The following CNTN1 variants were observed in gnomAD, a reference collection of about 807,000 sequenced individuals.
CNTN1 encodes contactin 1, also known as contactin-1.
In CNTN1, 38 loss-of-function variants were observed where a neutral mutation model predicts 126.4. The observed-to-expected ratio is 0.30, with a 90% confidence interval of 0.23 to 0.39. The LOEUF (loss-of-function observed/expected upper bound fraction) is 0.39, where lower values mean the gene tolerates loss of function less well. CNTN1 is among the 10% of genes least tolerant of loss of function. The probability of loss-of-function intolerance (pLI) is 1.00; values close to 1 mark genes in which losing one functional copy is unlikely to be tolerated. For missense variants in CNTN1, 1,009 were observed against 1,248.4 expected (o/e 0.81, Z 2.89); for synonymous variants, 413 against 422.6 (o/e 0.98, Z 0.28).
At chr12:40,776,169 T>C (rs1343621546) in intron 1 of CNTN1, among the ~76,000 whole-genome samples, 1 of 151,614 alleles carries the variant, frequency 6.6e-6, no homozygotes, top group African/African-American at 2.4e-5. Flanking sequence ...CCACAAATTA[T>C]AGTTTCTGTG....
At chr12:40,980,453 A>C (rs1278840124) in intron 15 of CNTN1, among the ~76,000 whole-genome samples, 1 of 151,246 alleles carries the variant, frequency 6.6e-6, no homozygotes, top group Non-Finnish European at 1.5e-5. Flanking sequence ...TAACTCAAAA[A>C]AAAAAAAAAA....
chr12:40,699,146 C>T (rs56383533), intron 1 of CNTN1, among the ~76,000 whole-genome samples: 16,809 of 152,118 alleles, frequency 0.11, 1,012 homozygotes, highest in Non-Finnish European at 0.13. Flanking sequence ...TGTCTCTTGC[C>T]TCCACCGTAA....
chr12:40,805,287 C>T lies in CNTN1; in HGVS notation c.-76-103070C>T, dbSNP rs1009015107. Among the ~76,000 whole-genome samples, 9 of 152,008 alleles carry T rather than the reference C, an allele frequency of 5.9e-5. No individual in the cohort carries two copies. The South Asian group carries it at 8.3e-4, about 14-fold the overall frequency. On this transcript the variant is annotated intron_variant, in intron 1 of 23. Transcript: ENST00000551295. The stretch of plus-strand genomic sequence containing the variant: ...CCCTCTTTTCTTCTGGACTTTTGCA[C>T]GACTGATATTTACCATCTGATATTG...
chr12:40,889,086 A>G (rs1297094388), intron 1 of CNTN1, among the ~76,000 whole-genome samples: 1 of 152,210 alleles, frequency 6.6e-6, no homozygotes, highest in Non-Finnish European at 1.5e-5. Flanking sequence ...ATTCCTTCCC[A>G]GGTTATTCTC....
intron 1 of CNTN1, among the ~76,000 whole-genome samples, chr12:40,901,389 C>G (rs913904198): frequency 6.6e-6 from 1 of 152,130 alleles, no homozygotes; most frequent in South Asian, 2.1e-4. Flanking sequence ...TTGGGGTGCA[C>G]TTGTTAATTA....
intron 17 of CNTN1, among the ~76,000 whole-genome samples, chr12:41,008,760 C>T (rs759742586): frequency 5.9e-5 from 9 of 152,210 alleles, no homozygotes; most frequent in Non-Finnish European, 1.2e-4. Flanking sequence ...CTAAACATCT[C>T]TCTTTTAAAC....
chr12:40,870,347 C>A (rs953099140), intron 1 of CNTN1, among the ~76,000 whole-genome samples: 1 of 149,434 alleles, frequency 6.7e-6, no homozygotes, highest in African/African-American at 2.4e-5. Flanking sequence ...TAACAAAAGA[C>A]TTCTTTGTCA....
At chr12:40,992,834 A>G (rs1220765763) in intron 16 of CNTN1, among the ~76,000 whole-genome samples, 1 of 152,190 alleles carries the variant, frequency 6.6e-6, no homozygotes, top group Non-Finnish European at 1.5e-5. Context: ...CTCATGGACT[A>G]GCACCAAGCC....
Position 40,922,397 on chromosome 12 carries a change from C to T in CNTN1, c.369C>T (p.Val123=). Residue 123 remains valine, a synonymous_variant, in exon 5 of 24, where the codon GTC becomes GTT. Transcript: ENST00000551295. ...TAGCATCTAATAACTACGGGATGGT[C>T]AGAAGCACTGAAGCAACCCTGAGCT... is the stretch of plus-strand genomic sequence containing the variant. The part of the protein sequence containing the change: ...YCLASNNYGM[V]RSTEATLSFG... 1 of 1,613,952 alleles carries T rather than the reference C, an allele frequency of 6.2e-7. No homozygotes were observed. Among genetic ancestry groups the T allele is most frequent in the Non-Finnish European group, 8.5e-7 (1 of 1,179,952 alleles).
chr12:40,815,144 A>G (rs886498895), intron 1 of CNTN1, among the ~76,000 whole-genome samples: 6 of 152,092 alleles, frequency 3.9e-5, no homozygotes, highest in African/African-American at 1.2e-4. Context: ...GTCTTCTTAG[A>G]TTCCATATGA....
chr12:40,932,543 G>T (rs536853528), intron 7 of CNTN1, among the ~76,000 whole-genome samples: 1 of 151,884 alleles, frequency 6.6e-6, no homozygotes, highest in Admixed American at 6.6e-5. Flanking sequence ...TATTTTTTCA[G>T]TCCTTCTAGA....
chr12:40,917,069 G>C (rs1468864484), intron 3 of CNTN1, among the ~76,000 whole-genome samples: 1 of 125,384 alleles, frequency 8.0e-6, no homozygotes, highest in Non-Finnish European at 1.7e-5. Flanking sequence ...GGCGGGGGGG[G>C]GGGCAGAACT....
In CNTN1 at chr12:40,716,218, T is replaced by TTC. The variant is rs201658307; in HGVS notation, c.-77+23638_-77+23639dup. 8.2e-3 allele frequency among the ~76,000 whole-genome samples: 1,240 copies of TTC among 151,246 alleles called. 26 individuals carry two copies. The highest frequency in any genetic ancestry group is 0.06 in the East Asian group (306 of 5,104). On this transcript the variant is annotated intron_variant, in intron 1 of 23. Transcript: ENST00000551295. ...CAAGGGTACTAGATGCTTCCATTCC[T>TTC]TCTCTCTCTCTCTGTGTCTCTCTCT... is the stretch of plus-strand genomic sequence containing the variant.
At chr12:40,965,817 A>G (rs775119553) in intron 15 of CNTN1, among the ~76,000 whole-genome samples, 15 of 152,344 alleles carry the variant, frequency 9.8e-5, no homozygotes, top group Non-Finnish European at 1.9e-4. Flanking sequence ...ATATTCTTAA[A>G]TAAGCAAATA....
At chr12:40,791,937 T>C (rs1413798492) in intron 1 of CNTN1, among the ~76,000 whole-genome samples, 1 of 152,156 alleles carries the variant, frequency 6.6e-6, no homozygotes, top group African/African-American at 2.4e-5. Flanking sequence ...GAGTACTTGC[T>C]ATGTGCTCAG....
chr12:40,870,621 G>A (rs1012262577), intron 1 of CNTN1, among the ~76,000 whole-genome samples: 1 of 152,094 alleles, frequency 6.6e-6, no homozygotes, highest in African/African-American at 2.4e-5. Flanking sequence ...TATTTATTGA[G>A]CACCTGCTAA....
intron 1 of CNTN1, among the ~76,000 whole-genome samples, chr12:40,838,691 G>T (rs1285440566): frequency 1.3e-5 from 2 of 152,114 alleles, no homozygotes; most frequent in Non-Finnish European, 2.9e-5. Flanking sequence ...TGTAGCAAAA[G>T]AAATTATACA....
intron 1 of CNTN1, among the ~76,000 whole-genome samples, chr12:40,847,125 C>A (rs1942539586): frequency 6.6e-6 from 1 of 152,158 alleles, no homozygotes; most frequent in Admixed American, 6.5e-5. Context: ...CTCGGCCTCC[C>A]AAAGTGCTGG....
chr12:40,996,006 G>A (rs1054231310), intron 17 of CNTN1, among the ~76,000 whole-genome samples: 4 of 152,150 alleles, frequency 2.6e-5, no homozygotes, highest in African/African-American at 7.2e-5. Context: ...TCATCTAAAG[G>A]CTTTGCTCCT....
Sources: allele counts gnomAD v4.1 joint callset (sites outside exome capture counted in the v4.1 genomes callset), GRCh38; gene constraint gnomAD v4.1.1; transcripts MANE v1.5; gene names NCBI Gene and HGNC (gene_info 2026-07-23, HGNC 2026-07-21).